BCKDHB: variants seen among roughly 807,000 people sequenced by gnomAD.
BCKDHB encodes 2-oxoisovalerate dehydrogenase subunit beta, mitochondrial.
In BCKDHB, 41 loss-of-function variants were observed where a neutral mutation model predicts 48.5. That is an observed-to-expected ratio of 0.85 (90% CI 0.66 to 1.10). The LOEUF is 1.10. BCKDHB is among the 50% of genes least tolerant of loss of function. The pLI is 0.00. For synonymous variants in BCKDHB, 201 were observed against 174.8 expected (o/e 1.15, Z -1.18); for missense variants, 496 against 494.2 (o/e 1.00, Z -0.03).
At chr6:80,272,814 T>C (rs1239287314) in intron 8 of BCKDHB, among the ~76,000 whole-genome samples, 1 of 152,180 alleles carries the variant, frequency 6.6e-6, no homozygotes, top group Non-Finnish European at 1.5e-5. Flanking sequence ...CATTGAAATA[T>C]GAAATACAGC....
chr6:80,378,826 C>T, the BCKDHB span, among the ~76,000 whole-genome samples: 1 of 151,990 alleles, frequency 6.6e-6, no homozygotes, highest in Non-Finnish European at 1.5e-5. Context: ...CAATAATAGC[C>T]ACCCTGACTG....
At chr6:80,336,488 A>AAAAC (rs1230359102) in intron 9 of BCKDHB, among the ~76,000 whole-genome samples, 3 of 116,472 alleles carry the variant, frequency 2.6e-5, no homozygotes, top group African/African-American at 8.1e-5. Flanking sequence ...AATCTTAGCA[A>AAAAC]AAAAAACCAA....
intron 6 of BCKDHB, among the ~76,000 whole-genome samples, chr6:80,199,506 G>A (rs1003622085): frequency 6.6e-6 from 1 of 152,026 alleles, no homozygotes; most frequent in Non-Finnish European, 1.5e-5. Context: ...GGCTAGGCGC[G>A]ATGGCTCACG....
At chr6:80,204,758 A>G (rs1325192198) in intron 8 of BCKDHB, among the ~76,000 whole-genome samples, 2 of 152,118 alleles carry the variant, frequency 1.3e-5, no homozygotes, top group East Asian at 3.9e-4. Flanking sequence ...CATTTTGGCA[A>G]CCGTGGAAGC....
the BCKDHB span, among the ~76,000 whole-genome samples, chr6:80,353,951 GA>G: frequency 2.0e-5 from 3 of 152,198 alleles, no homozygotes; most frequent in African/African-American, 7.2e-5. Context: ...GTGATGTTGA[GA>G]ATTTTCATAC....
chr6:80,286,297 T>A (rs1232816568), intron 9 of BCKDHB, among the ~76,000 whole-genome samples: 1 of 152,210 alleles, frequency 6.6e-6, no homozygotes, highest in African/African-American at 2.4e-5. Context: ...ATTTTTCTTT[T>A]TAGAACAAAT....
chr6:80,432,467 C>T, the BCKDHB span, among the ~76,000 whole-genome samples: 75 of 152,124 alleles, frequency 4.9e-4, no homozygotes, highest in African/African-American at 1.5e-3. Context: ...TCCGCTTGTT[C>T]GATTTGGCTA....
At chr6:80,454,734 T>C in the BCKDHB span, among the ~76,000 whole-genome samples, 1 of 152,154 alleles carries the variant, frequency 6.6e-6, no homozygotes, top group African/African-American at 2.4e-5. Context: ...TGTATGAATT[T>C]GTAGGCAAGA....
Position 80,127,625 on chromosome 6 carries a change from G to T in BCKDHB, c.274+1G>T, listed in dbSNP as rs377722320. On this transcript the variant is annotated splice_donor_variant, in intron 2 of 9. Transcript: ENST00000320393. LOFTEE classifies it high-confidence loss of function. Reference sequence around the variant, plus strand: ...TCATTGGCCAAAGATCCTACTGCAGGTAACCCTGATATGTGCCTGAATTGT... The same window carrying T: ...TCATTGGCCAAAGATCCTACTGCAGTTAACCCTGATATGTGCCTGAATTGT... 2 of 1,610,702 alleles carry T rather than the reference G, an allele frequency of 1.2e-6. No individual in the cohort carries two copies. The highest frequency in any genetic ancestry group is 2.7e-5 in the African/African-American group (2 of 74,792).
the BCKDHB span, among the ~76,000 whole-genome samples, chr6:80,402,546 C>A: frequency 6.6e-6 from 1 of 151,800 alleles, no homozygotes; most frequent in Admixed American, 6.6e-5. Context: ...AACACTTTAT[C>A]CCATTCTGTA....
At chr6:80,441,584 G>T in the BCKDHB span, among the ~76,000 whole-genome samples, 1 of 152,090 alleles carries the variant, frequency 6.6e-6, no homozygotes, top group Non-Finnish European at 1.5e-5. Context: ...CAAAGATTTT[G>T]TCATTTTAGA....
intron 7 of BCKDHB, 114 bp from the exon 8 acceptor site, chr6:80,202,988 A>T (rs1417553379): frequency 1.3e-6 from 1 of 772,824 alleles, no homozygotes; most frequent in African/African-American, 1.7e-5. Context: ...TTCTCCATGC[A>T]GATCAGTTCC....
At chr6:80,450,163 G>A in the BCKDHB span, among the ~76,000 whole-genome samples, 3 of 152,166 alleles carry the variant, frequency 2.0e-5, no homozygotes, top group African/African-American at 7.2e-5. Context: ...TTGTCAAGAT[G>A]AAGCAGCTCA....
chr6:80,133,806 C>G (rs1303498262), intron 3 of BCKDHB, among the ~76,000 whole-genome samples: 1 of 152,018 alleles, frequency 6.6e-6, no homozygotes, highest in Non-Finnish European at 1.5e-5. Context: ...CCACACCTGG[C>G]TAATTTTTGT....
downstream of BCKDHB, among the ~76,000 whole-genome samples, chr6:80,349,182 G>A (rs1770324069): frequency 2.0e-5 from 3 of 152,204 alleles, no homozygotes. Context: ...GGAAAGAAGA[G>A]TGTAACTGCA....
chr6:80,299,286 T>C (rs988050749), intron 9 of BCKDHB, among the ~76,000 whole-genome samples: 1 of 152,148 alleles, frequency 6.6e-6, no homozygotes, highest in African/African-American at 2.4e-5. Context: ...GTCAGCCAGT[T>C]GGTGTGTGTG....
intron 8 of BCKDHB, among the ~76,000 whole-genome samples, chr6:80,235,625 A>G (rs370818876): frequency 3.9e-5 from 6 of 152,190 alleles, no homozygotes; most frequent in Non-Finnish European, 7.4e-5. Context: ...TTCTCACTTG[A>G]TTGCCACATT....
At position 80,318,686 on chromosome 6, in the gene BCKDHB, T is replaced by TAA. The variant is rs756830332; in HGVS notation, c.1039-24961_1039-24960dup. On this transcript the variant is annotated intron_variant, in intron 9 of 9. Transcript: ENST00000320393. ...GGTGACAGAGTGAGACTCTCTCTCT[T>TAA]AAAAAAAAAAAAAAAAAAGAAAAGA... Among the ~76,000 whole-genome samples, 11 of 117,210 alleles carry TAA rather than the reference T, an allele frequency of 9.4e-5. No individual in the cohort carries two copies. The South Asian group carries it at 2.2e-3, about 23-fold the overall frequency. 76.9% of individuals were successfully genotyped at this position (117,210 alleles called of 152,430 possible). A position where few individuals can be genotyped will look rare whatever the true frequency, so the allele number is the denominator to read the frequency against.
chr6:80,412,385 G>T, the BCKDHB span, among the ~76,000 whole-genome samples: 2 of 151,932 alleles, frequency 1.3e-5, no homozygotes, highest in African/African-American at 4.8e-5. Context: ...GACCTCAAAT[G>T]ATCCACCTGT....
Sources: allele counts gnomAD v4.1 joint callset (sites outside exome capture counted in the v4.1 genomes callset), GRCh38; gene constraint gnomAD v4.1.1; transcripts MANE v1.5; gene names NCBI Gene and HGNC (gene_info 2026-07-23, HGNC 2026-07-21).